MUC17: variants seen among roughly 807,000 people sequenced by gnomAD.
MUC17 encodes mucin-17.
In MUC17, 190 loss-of-function variants were observed where a neutral mutation model predicts 170.3. That is an observed-to-expected ratio of 1.12 (90% CI 0.99 to 1.26). The LOEUF (loss-of-function observed/expected upper bound fraction) is 1.26, where lower values mean the gene tolerates loss of function less well. Ranked by LOEUF, MUC17 falls within the 50% of genes most tolerant of loss-of-function variation. MUC17 has a pLI of 0.00. For synonymous variants in MUC17, 2,325 were observed against 2,002.5 expected (o/e 1.16, Z -4.30); for missense variants, 6,415 against 5,530.0 (o/e 1.16, Z -5.08).
chr7:101,027,426 C>T (rs1794201202), intron 1 of MUC17, among the ~76,000 whole-genome samples: 1 of 152,138 alleles, frequency 6.6e-6, no homozygotes, highest in African/African-American at 2.4e-5. Context: ...AACCACCATG[C>T]CTGGCCAATC....
At position 101,048,035 on chromosome 7, in the gene MUC17, C is replaced by A; in HGVS notation, c.12455C>A (p.Thr4152Asn). ...NTASRCKNGG[T>N]WDGLKCQCPN... ...GCCTCTCGCTGCAAGAATGGAGGCACCTGGGATGGGCTCAAGTGCCAGTGT... is the reference window on the plus strand; with the variant it reads ...GCCTCTCGCTGCAAGAATGGAGGCAACTGGGATGGGCTCAAGTGCCAGTGT... Residue 4152 changes from threonine to asparagine, a missense_variant, in exon 4 of 13, where the codon ACC becomes AAC. Physicochemically the swap from Thr to Asn is moderately conservative, Grantham distance 65. Coordinates refer to ENST00000306151, the MANE Select transcript of MUC17 (RefSeq NM_001040105.2). 1 of 1,607,916 alleles carries A rather than the reference C, an allele frequency of 6.2e-7. No individual in the cohort carries two copies. Among genetic ancestry groups the A allele is most frequent in the East Asian group, 2.3e-5 (1 of 44,330 alleles).
In MUC17 at chr7:101,040,004, C is replaced by T. The variant is rs1242650368; in HGVS notation, c.8588C>T (p.Thr2863Ile). 1.2e-6 allele frequency: 2 copies of T among 1,613,486 alleles called. No individual in the cohort carries two copies. The highest frequency in any genetic ancestry group is 2.7e-5 in the African/African-American group (2 of 74,916). ...GAAGGTATCGTCGTGCCAATCTCAA[C>T]TGCTAGTGAAGGAAGTACTCTATTA... ...TAEGIVVPIS[T>I]ASEGSTLLTS... The change falls in exon 3 of 13, where the codon ACT (threonine) becomes ATT (isoleucine). Residue 2863 changes from threonine (T) to isoleucine (I), a missense_variant. Transcript: ENST00000306151.
In MUC17 at chr7:101,035,077, T is replaced by C. The variant is rs1298072340; in HGVS notation, c.3661T>C (p.Leu1221=). The change falls in exon 3 of 13, where the codon TTA becomes CTA. Residue 1221 remains leucine, a synonymous_variant. Coordinates refer to ENST00000306151, the MANE Select transcript of MUC17 (RefSeq NM_001040105.2). ...TSTPGERSTP[L]TSMPVRHTPV... is the part of the protein sequence containing the mutation. ...AACTCCTGGAGAAAGAAGCACTCCA[T>C]TAACAAGTATGCCTGTCAGACACAC... The C allele has an allele frequency of 5.0e-6, 8 of 1,611,672 alleles. No homozygotes were observed. Among genetic ancestry groups the C allele is most frequent in the Non-Finnish European group, 5.9e-6 (7 of 1,178,936 alleles).
rs1162646467 is a variant in MUC17 at position 101,032,712 on chromosome 7, A to T, written c.1296A>T (p.Ser432=). 6.3e-7 allele frequency: 1 copy of T among 1,576,992 alleles called. No individual in the cohort carries two copies. Among genetic ancestry groups the T allele is most frequent in the Non-Finnish European group, 8.7e-7 (1 of 1,154,736 alleles). ...TFVTTASEAS[S]SPTTAEDTSI... is the part of the protein sequence containing the mutation. ...TGACCACTGCTAGTGAAGCCAGCTC[A>T]TCTCCCACAACTGCTGAAGATACCA... Residue 432 remains serine (S), a synonymous_variant, in exon 3 of 13, where the codon TCA becomes TCT. Transcript: ENST00000306151.
In MUC17 at chr7:101,043,753, G is replaced by C. The variant is rs1794781896; in HGVS notation, c.12337G>C (p.Val4113Leu). ...TSFPTVTTTA[V>L]PTNTTIKSNP... ...CTTCCCCACGGTGACCACCACCGCT[G>C]TCCCCACGAATACTACAATTAAGAG... The change falls in exon 3 of 13, where the codon GTC (valine) becomes CTC (leucine). Residue 4113 changes from valine (V) to leucine (L), a missense_variant. Transcript: ENST00000306151. 3.1e-6 allele frequency: 5 copies of C among 1,613,962 alleles called. No individual in the cohort carries two copies. In the East Asian group the frequency reaches 8.9e-5, roughly 29 times the overall value.
rs775538912 is a variant in MUC17 at position 101,051,668 on chromosome 7, G to A, written c.12930G>A (p.Gln4310=). The change falls in exon 8 of 13, where the codon CAG becomes CAA. Residue 4310 remains glutamine, a synonymous_variant. Transcript: ENST00000306151. ...AAGTGCAAAACATTACGGTGACCCA[G>A]TACGACCCTGAAGGTAGGTGATAAC... ...GTQVQNITVT[Q]YDPEEDCRKM... 11 of 1,611,450 alleles carry A rather than the reference G, an allele frequency of 6.8e-6. No individual in the cohort carries two copies. Among genetic ancestry groups the A allele is most frequent in the Non-Finnish European group, 9.3e-6 (11 of 1,179,388 alleles).
chr7:101,051,901 A>T lies in MUC17; in HGVS notation c.13042A>T (p.Ser4348Cys). Reference protein sequence around the residue: ...YCISPCEPGFSVSKNCNLGKC... With the variant: ...YCISPCEPGFCVSKNCNLGKC... ...CATCAGCCCCTGTGAGCCTGGCTTC[A>T]GTGTCTCCAAGAACTGTAACCTCGG... is the stretch of plus-strand genomic sequence containing the variant. The change falls in exon 9 of 13, where the codon AGT (serine) becomes TGT (cysteine). Residue 4348 changes from serine to cysteine, a missense_variant. Ser to Cys is a moderately radical substitution (Grantham distance 112). Transcript: ENST00000306151. 6.2e-7 allele frequency: 1 copy of T among 1,614,212 alleles called. No individual in the cohort carries two copies. The highest frequency in any genetic ancestry group is 8.5e-7 in the Non-Finnish European group (1 of 1,180,022).
In MUC17 at chr7:101,041,200, TCTC is replaced by T; in HGVS notation, c.9789_9791del (p.Pro3264del). The T allele has an allele frequency of 6.2e-7, 1 of 1,600,028 alleles. No homozygotes were observed. Among genetic ancestry groups the T allele is most frequent in the Non-Finnish European group, 8.5e-7 (1 of 1,174,630 alleles). On this transcript the variant is annotated inframe_deletion, in exon 3 of 13. Coordinates refer to ENST00000306151, the MANE Select transcript of MUC17 (RefSeq NM_001040105.2). ...GACCACTTCTACTGAAGCCAGTTCATCTCCTCCCACTGCTGAAGGTACCAGCAT... is the reference window on the plus strand; with the variant it reads ...GACCACTTCTACTGAAGCCAGTTCATCTCCCACTGCTGAAGGTACCAGCAT...
At chr7:101,048,729 G>A in intron 4 of MUC17, 116 bp from the exon 5 acceptor site, 1 of 1,119,890 alleles carries the variant, frequency 8.9e-7, no homozygotes, top group Non-Finnish European at 1.3e-6. Context: ...ATACAAATTT[G>A]GCACAAAATT....
rs562004147 is a variant in MUC17, at chr7:101,042,764, TG to T, written c.11349del (p.Met3783IlefsTer3). On this transcript the variant is annotated frameshift_variant, in exon 3 of 13. Transcript: ENST00000306151. LOFTEE classifies it high-confidence loss of function. ...TPSIPSVYTS[M>X]SMTTASEGSS... The stretch of plus-strand genomic sequence containing the variant: ...TCCATACCATCTGTTTACACCAGCA[TG>T]TCTATGACCACTGCCTCTGAAGGCA... 1.1e-4 allele frequency: 174 copies of T among 1,614,160 alleles called. 1 individual carries two copies. In the South Asian group the frequency reaches 1.9e-3, roughly 17 times the overall value.
chr7:101,032,414 G>A lies in MUC17; in HGVS notation c.998G>A (p.Ser333Asn), dbSNP rs1351989944. ...CCAACCTCAACTTATACTGAAGGAA[G>A]CACTCCATTAACAAGTACGCCTGCC... ...SIPTSTYTEG[S>N]TPLTSTPAST... The change falls in exon 3 of 13, where the codon AGC becomes AAC. Residue 333 changes from serine (S) to asparagine (N), a missense_variant. Physicochemically the swap from Ser to Asn is conservative, Grantham distance 46. Coordinates refer to ENST00000306151, the MANE Select transcript of MUC17 (RefSeq NM_001040105.2). 6.2e-7 allele frequency: 1 copy of A among 1,613,620 alleles called. No individual in the cohort carries two copies. Among genetic ancestry groups the A allele is most frequent in the South Asian group, 1.1e-5 (1 of 91,026 alleles).
In MUC17 at chr7:101,038,241, T is replaced by A. The variant is rs1486019049; in HGVS notation, c.6825T>A (p.Ser2275Arg). ...EGTSIPTSTL[S>R]EGTTPLTSIP... is the part of the protein sequence containing the mutation. Reference sequence around the variant, plus strand: ...CCAGCATACCAACTTCAACTCTTAGTGAAGGAACGACTCCATTAACAAGTA... The same window carrying A: ...CCAGCATACCAACTTCAACTCTTAGAGAAGGAACGACTCCATTAACAAGTA... The change falls in exon 3 of 13, where the codon AGT becomes AGA. Residue 2275 changes from serine (S) to arginine (R), a missense_variant. Ser to Arg is a moderately radical substitution (Grantham distance 110). Coordinates refer to ENST00000306151, the MANE Select transcript of MUC17 (RefSeq NM_001040105.2). 6.2e-7 allele frequency: 1 copy of A among 1,613,820 alleles called. No homozygotes were observed. Among genetic ancestry groups the A allele is most frequent in the Non-Finnish European group, 8.5e-7 (1 of 1,179,984 alleles).
At chr7:101,027,677 AT>A (rs1365593765) in intron 1 of MUC17, among the ~76,000 whole-genome samples, 4 of 152,052 alleles carry the variant, frequency 2.6e-5, no homozygotes, top group Middle Eastern at 6.8e-3. Context: ...TTCTTCACAT[AT>A]TTTTTAGTTA....
chr7:101,032,665 C>T lies in MUC17; in HGVS notation c.1249C>T (p.Pro417Ser), dbSNP rs748351919. 3.2e-6 allele frequency: 5 copies of T among 1,574,288 alleles called. No homozygotes were observed. In the African/African-American group the frequency reaches 6.7e-5, roughly 21 times the overall value. The stretch of plus-strand genomic sequence containing the variant: ...TGAGGCTAGCACCACTTCAACAATT[C>T]CTGTTGACTCCAAAACTTTTGTGAC... Reference protein sequence around the residue: ...SSEASTTSTIPVDSKTFVTTA... With the variant: ...SSEASTTSTISVDSKTFVTTA... The change falls in exon 3 of 13, where the codon CCT becomes TCT. Residue 417 changes from proline to serine, a missense_variant. By Grantham distance (74) the Pro-to-Ser change is moderately conservative (BLOSUM62 -1). Transcript: ENST00000306151.
chr7:101,030,191 C>G (rs1277773671), intron 1 of MUC17, among the ~76,000 whole-genome samples: 1 of 151,268 alleles, frequency 6.6e-6, no homozygotes, highest in Non-Finnish European at 1.5e-5. Context: ...CTAAATCAAC[C>G]ACTCACTTAT....
Position 101,048,119 on chromosome 7 carries a change from A to G in MUC17, c.12535+4A>G. 6.3e-7 allele frequency: 1 copy of G among 1,577,284 alleles called. No individual in the cohort carries two copies. Among genetic ancestry groups the G allele is most frequent in the Admixed American group, 1.8e-5 (1 of 54,712 alleles). The stretch of plus-strand genomic sequence containing the variant: ...GTGGTCAGCAGCATTGACATAGGTG[A>G]GTGCAACCCCAGGCCTTCCCCCACC... On this transcript the variant is annotated splice_donor_region_variant and intron_variant, in intron 4 of 12. Coordinates refer to ENST00000306151, the MANE Select transcript of MUC17 (RefSeq NM_001040105.2).
In MUC17 at chr7:101,031,164, T is replaced by A; in HGVS notation, c.127T>A (p.Ser43Thr). 6.2e-7 allele frequency: 1 copy of A among 1,613,768 alleles called. No individual in the cohort carries two copies. The highest frequency in any genetic ancestry group is 1.1e-5 in the South Asian group (1 of 90,966). The change falls in exon 2 of 13, where the codon TCC becomes ACC. Residue 43 changes from serine to threonine, a missense_variant. By Grantham distance (58) the Ser-to-Thr change is moderately conservative. Coordinates refer to ENST00000306151, the MANE Select transcript of MUC17 (RefSeq NM_001040105.2). ...TGTGTGGGATGGAGGAGGGTGCATC[T>A]CCCAAGGGGACGTCTTGAACCGTCA... ...RAVWDGGGCI[S>T]QGDVLNRQCQ...
rs1220490401 is a variant in MUC17 at position 101,039,085 on chromosome 7, A to T, written c.7669A>T (p.Thr2557Ser). The change falls in exon 3 of 13, where the codon ACA becomes TCA. Residue 2557 changes from threonine to serine, a missense_variant. Transcript: ENST00000306151. Reference protein sequence around the residue: ...VTSTEISSSATSAEGTSMPTS... With the variant: ...VTSTEISSSASSAEGTSMPTS... ...TTCTACTGAAATCAGTTCATCTGCTACATCCGCTGAAGGTACCAGCATGCC... is the reference window on the plus strand; with the variant it reads ...TTCTACTGAAATCAGTTCATCTGCTTCATCCGCTGAAGGTACCAGCATGCC... The T allele has an allele frequency of 4.3e-6, 7 of 1,613,388 alleles. No individual in the cohort carries two copies. Among genetic ancestry groups the T allele is most frequent in the Non-Finnish European group, 5.9e-6 (7 of 1,179,904 alleles).
Position 101,038,498 on chromosome 7 carries a change from C to G in MUC17, c.7082C>G (p.Thr2361Ser), listed in dbSNP as rs551357660. 2.5e-6 allele frequency: 4 copies of G among 1,604,680 alleles called. No homozygotes were observed. The highest frequency in any genetic ancestry group is 3.4e-5 in the Admixed American group (2 of 59,484). Residue 2361 changes from threonine (T) to serine (S), a missense_variant, in exon 3 of 13, where the codon ACT becomes AGT. By Grantham distance (58) the Thr-to-Ser change is moderately conservative. Coordinates refer to ENST00000306151, the MANE Select transcript of MUC17 (RefSeq NM_001040105.2). ...TTTGAAACAAGCACACTTTCTACAA[C>G]TCCTGCTGACACCAGCACACCTGTG... ...ASFETSTLST[T>S]PADTSTPVTT...
Sources: gnomAD v4.1 joint callset for allele counts (sites outside exome capture counted in the v4.1 genomes callset) on GRCh38, gnomAD v4.1.1 for gene constraint, MANE v1.5 for transcripts, NCBI Gene and HGNC (gene_info 2026-07-23, HGNC 2026-07-21) for gene names.